The following ANO3 variants were observed in gnomAD, a reference collection of about 807,000 sequenced individuals.
ANO3 encodes the protein anoctamin-3.
ANO3 carries 99 observed loss-of-function variants against 144.8 expected under a neutral mutation model. The ratio of observed to expected loss-of-function variants is 0.68; its 90% CI spans 0.58 to 0.81. ANO3 has a LOEUF of 0.81. Ranked by LOEUF, ANO3 falls within the 30% of genes least tolerant of loss-of-function variation. The pLI is 0.00. For synonymous variants in ANO3, 414 were observed against 392.6 expected, an observed-to-expected ratio of 1.05 and a Z score of -0.64; for missense variants, 905 against 1,202.2, an observed-to-expected ratio of 0.75 and a Z score of 3.66.
chr11:26,401,893 T>G (rs1857156650), intron 1 of ANO3, among the ~76,000 whole-genome samples: 1 of 152,006 alleles, frequency 6.6e-6, no homozygotes, highest in Admixed American at 6.6e-5. Context: ...TACTTTCAAT[T>G]TCTTGCTGTT....
intron 1 of ANO3, among the ~76,000 whole-genome samples, chr11:26,369,859 T>C (rs988435106): frequency 2.0e-5 from 3 of 152,212 alleles, no homozygotes; most frequent in Admixed American, 1.3e-4. Context: ...CCTCGGATAC[T>C]CAAAGATGTT....
At chr11:26,260,064 T>C (rs1406839295) in intron 1 of ANO3, among the ~76,000 whole-genome samples, 2 of 151,562 alleles carry the variant, frequency 1.3e-5, no homozygotes, top group Admixed American at 6.6e-5. Flanking sequence ...TTTTTTTTTT[T>C]TGATGTACAA....
chr11:26,646,163 A>C (rs955949111), intron 23 of ANO3, among the ~76,000 whole-genome samples: 1 of 152,180 alleles, frequency 6.6e-6, no homozygotes, highest in Non-Finnish European at 1.5e-5. Context: ...TTGTACACAT[A>C]TGTAGAATTC....
At chr11:26,205,082 A>T (rs1590192126) in intron 1 of ANO3, among the ~76,000 whole-genome samples, 1 of 152,246 alleles carries the variant, frequency 6.6e-6, no homozygotes. Flanking sequence ...CCCTTATAAA[A>T]CAATCATATC....
intron 14 of ANO3, among the ~76,000 whole-genome samples, chr11:26,584,144 T>C (rs999743405): frequency 8.3e-6 from 1 of 120,838 alleles, no homozygotes; most frequent in African/African-American, 3.6e-5. Flanking sequence ...TTCTGTCTTG[T>C]TTTTTTGTTT....
At chr11:26,397,244 C>T (rs1015974144) in intron 1 of ANO3, among the ~76,000 whole-genome samples, 3 of 151,918 alleles carry the variant, frequency 2.0e-5, no homozygotes, top group Non-Finnish European at 4.4e-5. Flanking sequence ...TCAGTGTTCT[C>T]AGTAGTAAAA....
chr11:26,495,416 A>G (rs1014866381), intron 4 of ANO3, among the ~76,000 whole-genome samples: 6 of 151,878 alleles, frequency 4.0e-5, no homozygotes, highest in Non-Finnish European at 8.8e-5. Flanking sequence ...GCCAAAATCT[A>G]ACTTTTAACA....
Position 26,564,728 on chromosome 11 carries a change from C to T in ANO3, c.1447+4949C>T, listed in dbSNP as rs867887776. Among the ~76,000 whole-genome samples the T allele has an allele frequency of 5.2e-3, 187 of 36,108 alleles. 1 individual carries two copies. The highest frequency in any genetic ancestry group is 0.021 in the African/African-American group (161 of 7,820). 23.7% of individuals were successfully genotyped at this position (36,108 alleles called of 152,430 possible). On this transcript the variant is annotated intron_variant, in intron 14 of 26. Coordinates refer to ENST00000256737, the MANE Select transcript of ANO3 (RefSeq NM_031418.4). The stretch of plus-strand genomic sequence containing the variant: ...ACACACACACACACACACACACACA[C>T]ACACATATATATATATATATATATA...
At chr11:26,658,410 T>TGAGG (rs1232412177) in intron 26 of ANO3, among the ~76,000 whole-genome samples, 1 of 61,288 alleles carries the variant, frequency 1.6e-5, no homozygotes. Flanking sequence ...GGTCAGGAGT[T>TGAGG]CAAGAGCAAA....
At chr11:26,493,193 A>G (rs1481381095) in intron 4 of ANO3, among the ~76,000 whole-genome samples, 2 of 152,148 alleles carry the variant, frequency 1.3e-5, no homozygotes, top group Non-Finnish European at 2.9e-5. Flanking sequence ...TTGTCCCTTC[A>G]ATGGATAGCC....
At position 26,541,979 on chromosome 11, in the gene ANO3, C is replaced by G. The variant is rs1184522609; in HGVS notation, c.1065C>G (p.Thr355=). ...GAYKSSQPIK[T]HGPQNNRHLL... ...ACAAAAGTAGCCAGCCCATTAAAAC[C>G]CATGGACCTCAGAATAACAGACATC... The change falls in exon 11 of 27, where the codon ACC becomes ACG. Residue 355 remains threonine, a synonymous_variant. Coordinates refer to ENST00000256737, the MANE Select transcript of ANO3 (RefSeq NM_031418.4). 6.2e-7 allele frequency: 1 copy of G among 1,612,502 alleles called. No individual in the cohort carries two copies. Among genetic ancestry groups the G allele is most frequent in the Non-Finnish European group, 8.5e-7 (1 of 1,179,034 alleles).
intron 1 of ANO3, among the ~76,000 whole-genome samples, chr11:26,357,879 C>G (rs1855824055): frequency 6.6e-6 from 1 of 152,046 alleles, no homozygotes; most frequent in Non-Finnish European, 1.5e-5. Context: ...ATATATGGAT[C>G]AGAATGTTTT....
At chr11:26,637,143 T>C (rs989663746) in intron 20 of ANO3, among the ~76,000 whole-genome samples, 4 of 152,182 alleles carry the variant, frequency 2.6e-5, no homozygotes, top group South Asian at 2.1e-4. Flanking sequence ...ATTATGTGAA[T>C]GGACAAACCC....
chr11:26,495,743 A>G (rs1860910707), intron 4 of ANO3, among the ~76,000 whole-genome samples: 1 of 152,216 alleles, frequency 6.6e-6, no homozygotes, highest in Non-Finnish European at 1.5e-5. Context: ...AACGTAAGGA[A>G]CACAGCCTAG....
chr11:26,351,811 AACTT>A lies in ANO3; in HGVS notation c.46+19493_46+19496del, dbSNP rs1378817537. ...TATGTATGGGGAAATGTTTAGGCTGAACTTACAAGGAAACAGTGTTAGGCTAAAT... is the reference window on the plus strand; with the variant it reads ...TATGTATGGGGAAATGTTTAGGCTGAACAAGGAAACAGTGTTAGGCTAAAT... On this transcript the variant is annotated intron_variant, in intron 1 of 26. Transcript: ENST00000256737. Among the ~76,000 whole-genome samples the A allele has an allele frequency of 3.3e-5, 5 of 152,332 alleles. No individual in the cohort carries two copies. The South Asian group carries it at 1.0e-3, about 32-fold the overall frequency.
upstream of ANO3, among the ~76,000 whole-genome samples, chr11:26,309,263 T>C (rs10501044): frequency 0.069 from 10,488 of 152,182 alleles, 691 homozygotes; most frequent in African/African-American, 0.17. Context: ...AGCATGCCTA[T>C]GAAAAAGATC....
intron 4 of ANO3, among the ~76,000 whole-genome samples, chr11:26,495,296 G>C (rs1464030525): frequency 7.2e-6 from 1 of 139,048 alleles, no homozygotes; most frequent in Non-Finnish European, 1.5e-5. Flanking sequence ...TTTCTGTAGA[G>C]ATAGGGTTTC....
intron 5 of ANO3, among the ~76,000 whole-genome samples, chr11:26,510,289 A>T (rs1300047507): frequency 2.6e-5 from 4 of 152,152 alleles, no homozygotes; most frequent in African/African-American, 9.7e-5. Context: ...CCAGCAAGTA[A>T]AATTCTGACT....
intron 22 of ANO3, 38 bp from the exon 23 acceptor site, chr11:26,643,144 A>C: frequency 6.3e-7 from 1 of 1,599,180 alleles, no homozygotes; most frequent in Non-Finnish European, 8.5e-7. Context: ...TCACAAAGGA[A>C]GTTTATATAG....
Sources: allele counts gnomAD v4.1 joint callset (sites outside exome capture counted in the v4.1 genomes callset), GRCh38; gene constraint gnomAD v4.1.1; transcripts MANE v1.5; gene names NCBI Gene and HGNC (gene_info 2026-07-23, HGNC 2026-07-21).